Variants in SRGAP2 observed in about 807,000 individuals in gnomAD.
SRGAP2 encodes SLIT-ROBO Rho GTPase-activating protein 2.
Under a neutral mutation model 57.2 loss-of-function variants are expected in SRGAP2, and 15 were observed. The observed-to-expected ratio is 0.26, with a 90% CI of 0.18 to 0.40. SRGAP2 has a LOEUF of 0.40. Ranked by LOEUF, SRGAP2 falls within the 10% of genes least tolerant of loss-of-function variation. SRGAP2 has a pLI of 1.00. For missense variants in SRGAP2, 520 were observed against 669.6 expected (o/e 0.78, Z 2.47); for synonymous variants, 249 against 248.0 (o/e 1.00, Z -0.04).
chr1:206,340,157 T>C (rs1300995084), intron 3 of SRGAP2, among the ~76,000 whole-genome samples: 2 of 150,598 alleles, frequency 1.3e-5, no homozygotes, highest in Admixed American at 1.3e-4. Flanking sequence ...CTTCCAGCCA[T>C]CCTGTTTATT....
chr1:206,309,301 G>T (rs1374858888), intron 3 of SRGAP2, among the ~76,000 whole-genome samples: 4 of 151,654 alleles, frequency 2.6e-5, no homozygotes, highest in African/African-American at 4.9e-5. Context: ...TAAATAAGTA[G>T]AGTAGACCCC....
chr1:206,398,259 A>G (rs1572052179), intron 7 of SRGAP2, among the ~76,000 whole-genome samples: 1 of 152,162 alleles, frequency 6.6e-6, no homozygotes, highest in Admixed American at 6.5e-5. Flanking sequence ...TTCAAATCTC[A>G]TTTACCTAAC....
intron 15 of SRGAP2, 188 bp from the exon 16 acceptor site, chr1:206,437,776 A>T: frequency 1.7e-6 from 1 of 592,884 alleles, no homozygotes. Context: ...TTGGTCCTGG[A>T]GCCCCTGAAA....
intron 10 of SRGAP2, among the ~76,000 whole-genome samples, chr1:206,414,171 A>G (rs1358469166): frequency 6.6e-6 from 1 of 151,548 alleles, no homozygotes. Context: ...AGCTGGGATT[A>G]CAGGCACTCA....
At chr1:206,333,347 A>C in intron 3 of SRGAP2, 1 of 1,303,030 alleles carries the variant, frequency 7.7e-7, no homozygotes, top group Non-Finnish European at 1.1e-6. Context: ...CAGGGCTTGA[A>C]GCAGACAATC....
Position 206,312,420 on chromosome 1 carries a change from G to A in SRGAP2, c.260+8947G>A, listed in dbSNP as rs191918618. ...TGCTGAACTGCGTTCTTCATCTTTTGGACACCTCCTCCCCTGGAAGCCATT... is the reference window on the plus strand; with the variant it reads ...TGCTGAACTGCGTTCTTCATCTTTTAGACACCTCCTCCCCTGGAAGCCATT... On this transcript the variant is annotated intron_variant, in intron 3 of 22. Transcript: ENST00000573034. Among the ~76,000 whole-genome samples, 75 of 152,220 alleles carry A rather than the reference G, an allele frequency of 4.9e-4. No homozygotes were observed. The East Asian group carries it at 0.012, about 25-fold the overall frequency.
chr1:206,440,363 A>G (rs1662166682), intron 17 of SRGAP2, among the ~76,000 whole-genome samples: 2 of 152,262 alleles, frequency 1.3e-5, no homozygotes, highest in East Asian at 3.9e-4. Context: ...GAGGGGAAAG[A>G]GTAAAGGGGT....
intron 2 of SRGAP2, among the ~76,000 whole-genome samples, chr1:206,228,791 G>T (rs868968062): frequency 1.3e-5 from 2 of 150,236 alleles, no homozygotes; most frequent in Middle Eastern, 3.2e-3. Context: ...ACATATGTAT[G>T]CTGGTTCCCT....
chr1:206,208,848 A>G (rs528469097), intron 2 of SRGAP2, among the ~76,000 whole-genome samples: 2 of 152,026 alleles, frequency 1.3e-5, no homozygotes, highest in Non-Finnish European at 2.9e-5. Context: ...TTTAGAGTCA[A>G]AGTGATTCAG....
chr1:206,453,848 C>A, intron 20 of SRGAP2: 1 of 343,028 alleles, frequency 2.9e-6, no homozygotes, highest in Non-Finnish European at 5.2e-6. Flanking sequence ...AGGAGAAATC[C>A]GGCTTAAGCA....
intron 4 of SRGAP2, among the ~76,000 whole-genome samples, chr1:206,347,636 A>C (rs1675738675): frequency 6.6e-6 from 1 of 151,240 alleles, no homozygotes. Flanking sequence ...GTTTAACTCC[A>C]GTCACCTGGC....
intron 3 of SRGAP2, among the ~76,000 whole-genome samples, chr1:206,328,304 G>T (rs1553330890): frequency 9.0e-6 from 1 of 111,638 alleles, no homozygotes; most frequent in Non-Finnish European, 1.7e-5. Context: ...ATGATTTATA[G>T]TCATTTGGGT....
intron 3 of SRGAP2, among the ~76,000 whole-genome samples, chr1:206,323,568 CCAGCAT>C (rs139398330): frequency 8.3e-4 from 125 of 150,932 alleles, no homozygotes; most frequent in East Asian, 2.9e-3. Context: ...AACCAAGAAT[CCAGCAT>C]CAGCATCAGC....
intron 17 of SRGAP2, among the ~76,000 whole-genome samples, chr1:206,441,158 G>A (rs965461157): frequency 5.9e-5 from 9 of 152,176 alleles, no homozygotes; most frequent in Admixed American, 5.2e-4. Flanking sequence ...GACAAGGTGT[G>A]GAGAAAGGAA....
intron 18 of SRGAP2, among the ~76,000 whole-genome samples, chr1:206,449,288 T>TTTTTTG (rs1663044365): frequency 1.8e-4 from 14 of 79,164 alleles, no homozygotes; most frequent in Non-Finnish European, 2.2e-4. Context: ...ACTGGATGAT[T>TTTTTTG]TTTTTTTTTT....
At chr1:206,337,977 A>G (rs1674905044) in intron 3 of SRGAP2, among the ~76,000 whole-genome samples, 2 of 152,168 alleles carry the variant, frequency 1.3e-5, no homozygotes, top group African/African-American at 4.8e-5. Context: ...GAGGGAGAAA[A>G]GCTGGTCTAA....
At chr1:206,353,286 G>A (rs1676167746) in intron 4 of SRGAP2, among the ~76,000 whole-genome samples, 1 of 152,088 alleles carries the variant, frequency 6.6e-6, no homozygotes, top group South Asian at 2.1e-4. Flanking sequence ...CCCACAGCTT[G>A]TTAATATTCT....
At chr1:206,433,909 C>T (rs975654742) in intron 14 of SRGAP2, among the ~76,000 whole-genome samples, 8 of 152,090 alleles carry the variant, frequency 5.3e-5, no homozygotes. Flanking sequence ...TATATATATT[C>T]TAGGATCAAG....
chr1:206,375,667 G>A (rs1655129962), intron 4 of SRGAP2, among the ~76,000 whole-genome samples: 1 of 152,030 alleles, frequency 6.6e-6, no homozygotes, highest in Non-Finnish European at 1.5e-5. Context: ...GAGAGCAGAG[G>A]GCCGTTAGCC....
Sources: allele counts gnomAD v4.1 joint callset (sites outside exome capture counted in the v4.1 genomes callset), GRCh38; gene constraint gnomAD v4.1.1; transcripts MANE v1.5; gene names NCBI Gene and HGNC (gene_info 2026-07-23, HGNC 2026-07-21).